Variants in MARS1 observed in about 807,000 individuals in gnomAD.
MARS1 encodes the protein methionine--tRNA ligase, cytoplasmic.
A neutral mutation model predicts 119.5 loss-of-function variants in MARS1; 80 were observed. The ratio of observed to expected loss-of-function variants is 0.67; its 90% CI spans 0.56 to 0.81. MARS1 has a LOEUF of 0.81. Among genes scored for constraint, MARS1 ranks in the 30% least tolerant of loss-of-function variants. MARS1 has a pLI of 0.00. For synonymous variants in MARS1, 418 were observed against 433.4 expected, an observed-to-expected ratio of 0.96 and a Z score of 0.44; for missense variants, 945 against 1,116.5, an observed-to-expected ratio of 0.85 and a Z score of 2.19.
At chr12:57,516,149 C>T (rs762583296) in intron 19 of MARS1, 96 bp from the exon 20 acceptor site, 46 of 1,375,508 alleles carry the variant, frequency 3.3e-5, no homozygotes, top group Admixed American at 1.0e-4. Context: ...AAGAGACCTT[C>T]GACTTAAAGG....
chr12:57,508,440 C>G (rs1396727893), intron 11 of MARS1, among the ~76,000 whole-genome samples: 3 of 152,280 alleles, frequency 2.0e-5, no homozygotes, highest in Non-Finnish European at 2.9e-5. Context: ...TGGCGGATCA[C>G]TGGCGGTTAG....
intron 11 of MARS1, among the ~76,000 whole-genome samples, chr12:57,507,820 C>T (rs1408185749): frequency 2.7e-5 from 4 of 150,918 alleles, no homozygotes; most frequent in Non-Finnish European, 4.4e-5. Flanking sequence ...ACCTCCCTCC[C>T]GGACGGGGTG....
At chr12:57,516,171 C>T in intron 19 of MARS1, 74 bp from the exon 20 acceptor site, 6 of 1,449,824 alleles carry the variant, frequency 4.1e-6, no homozygotes, top group Non-Finnish European at 1.9e-6. Context: ...AACCACTTTC[C>T]CTCTGAGATG....
intron 7 of MARS1, among the ~76,000 whole-genome samples, chr12:57,491,744 A>G (rs1843558951): frequency 6.6e-6 from 1 of 152,058 alleles, no homozygotes; most frequent in South Asian, 2.1e-4. Flanking sequence ...CTCTCCTGCT[A>G]CACTAAGATA....
chr12:57,493,475 A>G (rs1314315943), intron 7 of MARS1, among the ~76,000 whole-genome samples: 1 of 454 alleles, frequency 2.2e-3, no homozygotes, highest in African/African-American at 2.5e-3. Flanking sequence ...TATAATATAT[A>G]ATATATAATA....
At chr12:57,509,717 ATTTAT>A (rs975424298) in intron 11 of MARS1, among the ~76,000 whole-genome samples, 18 of 151,996 alleles carry the variant, frequency 1.2e-4, no homozygotes, top group African/African-American at 3.6e-4. Context: ...GCCAGTTGGT[ATTTAT>A]TTTAAGTTCA....
intron 7 of MARS1, among the ~76,000 whole-genome samples, chr12:57,491,483 C>T (rs945393490): frequency 1.3e-5 from 2 of 152,158 alleles, no homozygotes; most frequent in African/African-American, 2.4e-5. Flanking sequence ...CTTACCAAGT[C>T]GTTGACTCTA....
At chr12:57,509,195 A>C (rs142283311) in intron 11 of MARS1, among the ~76,000 whole-genome samples, 48 of 152,278 alleles carry the variant, frequency 3.2e-4, no homozygotes, top group African/African-American at 1.1e-3. Context: ...GAGATCTCCC[A>C]TCATGTTTTA....
At position 57,512,039 on chromosome 12, in the gene MARS1, G is replaced by A. The variant is rs1286983188; in HGVS notation, c.1571G>A (p.Gly524Asp). Residue 524 changes from glycine (G) to aspartate (D), a missense_variant, in exon 13 of 21, where the codon GGC becomes GAC. Transcript: ENST00000262027. ...TATGTCTGGTTTGATGCCACTATTG[G>A]CTATCTGTCCATCACAGCCAACTAC... ...VFYVWFDATI[G>D]YLSITANYTD... is the part of the protein sequence containing the mutation. 1 of 1,614,016 alleles carries A rather than the reference G, an allele frequency of 6.2e-7. No individual in the cohort carries two copies. The highest frequency in any genetic ancestry group is 8.5e-7 in the Non-Finnish European group (1 of 1,180,038).
intron 11 of MARS1, among the ~76,000 whole-genome samples, chr12:57,505,164 GTT>G (rs34010387): frequency 4.3e-5 from 6 of 140,452 alleles, no homozygotes; most frequent in Non-Finnish European, 7.8e-5. Flanking sequence ...CTCCTGATTT[GTT>G]TTTTTTTTTT....
intron 4 of MARS1, 77 bp downstream of exon 4, chr12:57,489,635 T>C: frequency 1.3e-6 from 2 of 1,583,648 alleles, no homozygotes; most frequent in Non-Finnish European, 1.7e-6. Context: ...ATTCAGAGTG[T>C]TCGAACCCAA....
At chr12:57,489,395 C>T in intron 3 of MARS1, 29 bp from the exon 4 acceptor site, 2 of 1,614,152 alleles carry the variant, frequency 1.2e-6, no homozygotes, top group Non-Finnish European at 8.5e-7. Context: ...TCTGCGTGGC[C>T]ATCCTGACTC....
chr12:57,515,336 A>C lies in MARS1; in HGVS notation c.2391A>C (p.Thr797=), dbSNP rs140573721. Reference sequence around the variant, plus strand: ...TACCAGCAGGACACCAGATTGGCACAGTAGGTGGAAGAGCCAGCCTCTCTT... The same window carrying C: ...TACCAGCAGGACACCAGATTGGCACCGTAGGTGGAAGAGCCAGCCTCTCTT... ...CTLPAGHQIG[T]VSPLFQKLEN... is the part of the protein sequence containing the mutation. The change falls in exon 18 of 21, where the codon ACA becomes ACC. Residue 797 remains threonine, a splice_region_variant and synonymous_variant. Coordinates refer to ENST00000262027, the MANE Select transcript of MARS1 (RefSeq NM_004990.4). 8.1e-4 allele frequency: 1,300 copies of C among 1,611,908 alleles called. 1 individual carries two copies. Among genetic ancestry groups the C allele is most frequent in the Middle Eastern group, 4.0e-3 (24 of 6,062 alleles).
At position 57,488,311 on chromosome 12, in the gene MARS1, A is replaced by G. The variant is rs508904; in HGVS notation, c.109+112A>G. On this transcript the variant is annotated intron_variant, in intron 1 of 20. Coordinates refer to ENST00000262027, the MANE Select transcript of MARS1 (RefSeq NM_004990.4). ...TAGCCCTCGCCACACACCCCAATCG[A>G]CCACTTCTCCTATTATCCTTGATCA... 136,097 of 970,654 alleles carry G rather than the reference A, an allele frequency of 0.14. 10,389 individuals are homozygous for G. Among genetic ancestry groups the G allele is most frequent in the East Asian group, 0.22 (8,686 of 40,030 alleles). 60.1% of individuals were successfully genotyped at this position (970,654 alleles called of 1,614,324 possible).
At chr12:57,508,114 A>G (rs1877312712) in intron 11 of MARS1, among the ~76,000 whole-genome samples, 1 of 151,396 alleles carries the variant, frequency 6.6e-6, no homozygotes, top group Admixed American at 6.6e-5. Flanking sequence ...GCAGCTGGGA[A>G]GAGGCGCTCC....
intron 1 of MARS1, 81 bp downstream of exon 1, chr12:57,488,280 A>G (rs1464591565): frequency 3.0e-6 from 4 of 1,355,486 alleles, no homozygotes; most frequent in Non-Finnish European, 4.1e-6. Flanking sequence ...GTCTTTGCCA[A>G]ACCCCTAGCC....
chr12:57,504,080 G>T, intron 10 of MARS1, 145 bp from the exon 11 acceptor site: 1 of 627,820 alleles, frequency 1.6e-6, no homozygotes, highest in Non-Finnish European at 2.9e-6. Flanking sequence ...TTTAGAGTAG[G>T]CCACATAGTA....
intron 10 of MARS1, among the ~76,000 whole-genome samples, chr12:57,503,623 C>T (rs1423253118): frequency 6.6e-6 from 1 of 151,692 alleles, no homozygotes; most frequent in East Asian, 1.9e-4. Flanking sequence ...TGGCTCACTG[C>T]AACCTCTGCC....
chr12:57,489,674 G>T, intron 4 of MARS1, 116 bp downstream of exon 4: 1 of 1,420,730 alleles, frequency 7.0e-7, no homozygotes, highest in South Asian at 1.3e-5. Flanking sequence ...GTGTAATCTT[G>T]GCAAATCACT....
Sources: gnomAD v4.1 joint callset for allele counts (sites outside exome capture counted in the v4.1 genomes callset) on GRCh38, gnomAD v4.1.1 for gene constraint, MANE v1.5 for transcripts, NCBI Gene and HGNC (gene_info 2026-07-23, HGNC 2026-07-21) for gene names.